EIF4A2: variants seen among roughly 807,000 people sequenced by gnomAD.
EIF4A2 encodes eukaryotic translation initiation factor 4A2, also known as eukaryotic initiation factor 4A-II.
A neutral mutation model predicts 50.6 loss-of-function variants in EIF4A2; 9 were observed. The observed-to-expected ratio is 0.18, with a 90% CI of 0.11 to 0.31. The LOEUF is 0.31. Ranked by LOEUF, EIF4A2 falls within the 10% of genes least tolerant of loss-of-function variation. The pLI, the probability that EIF4A2 is intolerant of heterozygous loss-of-function variation, is 1.00. For synonymous variants in EIF4A2, 215 were observed against 164.4 expected, an observed-to-expected ratio of 1.31 and a Z score of -2.35; for missense variants, 182 against 501.8, an observed-to-expected ratio of 0.36 and a Z score of 6.09.
chr3:186,787,711 C>T, intron 9 of EIF4A2, 92 bp from the exon 10 acceptor site: 2 of 1,587,748 alleles, frequency 1.3e-6, no homozygotes, highest in Non-Finnish European at 1.7e-6. Context: ...GTGGGCTATA[C>T]CACTTAGTAT....
At chr3:186,787,299 A>G (rs373252426) in intron 8 of EIF4A2, 35 bp downstream of exon 8, 5 of 1,614,066 alleles carry the variant, frequency 3.1e-6, no homozygotes, top group South Asian at 1.1e-5. Context: ...GATTTCCACT[A>G]AAGCAGGATT....
Position 186,789,291 on chromosome 3 carries a change from A to T in EIF4A2, c.*22A>T. On this transcript the variant is annotated 3_prime_UTR_variant, in exon 11 of 11. Coordinates refer to ENST00000323963, the MANE Select transcript of EIF4A2 (RefSeq NM_001967.4). ...TTAATTCCTGGGATGAGAGTTTTGG[A>T]TGCAGTGCTCGCTGTTGCTGAATAG... is the stretch of plus-strand genomic sequence containing the variant. 1 of 1,598,404 alleles carries T rather than the reference A, an allele frequency of 6.3e-7. No homozygotes were observed. Among genetic ancestry groups the T allele is most frequent in the Non-Finnish European group, 8.5e-7 (1 of 1,172,490 alleles).
rs1316151272 is a variant in EIF4A2 at position 186,785,026 on chromosome 3, C to T, written c.273C>T (p.Ile91=). Residue 91 remains isoleucine, a synonymous_variant, in exon 4 of 11, where the codon ATC becomes ATT. Coordinates refer to ENST00000323963, the MANE Select transcript of EIF4A2 (RefSeq NM_001967.4). ...TGKTATFAIS[I]LQQLEIEFKE... is the part of the protein sequence containing the mutation. ...AGACAGCCACATTTGCTATTTCCAT[C>T]CTGCAACAGTTGGAGATTGAGTTCA... 17 of 1,614,158 alleles carry T rather than the reference C, an allele frequency of 1.1e-5. No individual in the cohort carries two copies. Among genetic ancestry groups the T allele is most frequent in the Non-Finnish European group, 1.3e-5 (15 of 1,180,032 alleles).
At chr3:186,785,222 C>G in intron 4 of EIF4A2, 121 bp downstream of exon 4, 1 of 1,427,276 alleles carries the variant, frequency 7.0e-7, no homozygotes, top group South Asian at 1.4e-5. Context: ...TTTAATTGTC[C>G]ATGCATGCAG....
rs1722010728 is a variant in EIF4A2, at chr3:186,789,830, T to C, written c.*561T>C. 2 of 651,436 alleles carry C rather than the reference T, an allele frequency of 3.1e-6. No individual in the cohort carries two copies. The highest frequency in any genetic ancestry group is 5.3e-6 in the Non-Finnish European group (2 of 380,138). 40.4% of individuals were successfully genotyped at this position (651,436 alleles called of 1,614,324 possible). A position where few individuals can be genotyped will look rare whatever the true frequency, so the allele number is the denominator to read the frequency against. On this transcript the variant is annotated 3_prime_UTR_variant, in exon 11 of 11. Transcript: ENST00000323963. The stretch of plus-strand genomic sequence containing the variant: ...ATCCTAGGTAGGGTTTAATCCCCAG[T>C]AAAATTGCCATATTGCACATGTCTT...
intron 5 of EIF4A2, 47 bp from the exon 6 acceptor site, chr3:186,786,115 GTA>G (rs746654109): frequency 6.9e-5 from 111 of 1,602,022 alleles, no homozygotes; most frequent in Non-Finnish European, 8.5e-6. Flanking sequence ...AAGTCAAATT[GTA>G]TCACTGAGTA....
chr3:186,788,041 A>G, intron 10 of EIF4A2, 159 bp downstream of exon 10: 1 of 850,024 alleles, frequency 1.2e-6, no homozygotes. Flanking sequence ...GGTTGATGAG[A>G]ACAAAGTGGG....
chr3:186,783,858 C>A, intron 1 of EIF4A2: 1 of 666,942 alleles, frequency 1.5e-6, no homozygotes, highest in Non-Finnish European at 2.5e-6. Flanking sequence ...CGTTTTTCCT[C>A]TCTAAGACAT....
At chr3:186,787,025 TG>T in intron 7 of EIF4A2, 101 bp from the exon 8 acceptor site, 1 of 1,473,166 alleles carries the variant, frequency 6.8e-7, no homozygotes, top group Non-Finnish European at 9.2e-7. Flanking sequence ...CCCAAAGGGC[TG>T]GGATTACAGG....
chr3:186,788,455 TTGA>T (rs1721903473), intron 10 of EIF4A2: 12 of 1,230,662 alleles, frequency 9.8e-6, no homozygotes, highest in Non-Finnish European at 1.2e-5. Context: ...TCATGATTAT[TTGA>T]TTTTTAAGTT....
rs1268107402 is a variant in EIF4A2 at position 186,789,491 on chromosome 3, A to G, written c.*222A>G. 4.4e-6 allele frequency: 2 copies of G among 457,720 alleles called. No individual in the cohort carries two copies. The highest frequency in any genetic ancestry group is 2.0e-5 in the African/African-American group (1 of 49,246). The allele number at this position is 457,720 out of a possible 1,614,324, so 28.4% of individuals were successfully genotyped here. A position where few individuals can be genotyped will look rare whatever the true frequency, so the allele number is the denominator to read the frequency against. On this transcript the variant is annotated 3_prime_UTR_variant, in exon 11 of 11. Transcript: ENST00000323963. ...AGTTAGACTGTTGGGGTGGGTATAA[A>G]AGATGGGGTCTGTAAAATCTTTCTT...
Position 186,786,149 on chromosome 3 carries a change from C to CT in EIF4A2, c.518-12dup, listed in dbSNP as rs1560084814. The CT allele has an allele frequency of 6.2e-7, 1 of 1,611,466 alleles. No individual in the cohort carries two copies. Among genetic ancestry groups the CT allele is most frequent in the South Asian group, 1.1e-5 (1 of 90,932 alleles). On this transcript the variant is annotated splice_polypyrimidine_tract_variant and intron_variant, in intron 5 of 10. Coordinates refer to ENST00000323963, the MANE Select transcript of EIF4A2 (RefSeq NM_001967.4). ...AGTAGATCTAGAAATGACAGTATGA[C>CT]TTTGTTTCTAACAGCTCCAAAATGG...
At position 186,783,624 on chromosome 3, in the gene EIF4A2, C is replaced by T. The variant is rs779490566; in HGVS notation, c.14C>T (p.Ser5Phe). The change falls in exon 1 of 11, where the codon TCC (serine) becomes TTC (phenylalanine). Residue 5 changes from serine to phenylalanine, a missense_variant. Around this residue, in one of 7 missense-constraint regions of EIF4A2, gnomAD observed 43 missense variants for 22.2 expected, o/e 1.93. Coordinates refer to ENST00000323963, the MANE Select transcript of EIF4A2 (RefSeq NM_001967.4). ...GTTTTTCGGATCATGTCTGGTGGCTCCGCGGATTATAACAGGTATGCAGTC... is the reference window on the plus strand; with the variant it reads ...GTTTTTCGGATCATGTCTGGTGGCTTCGCGGATTATAACAGGTATGCAGTC... MSGG[S>F]ADYNREHGGP... 1 of 1,614,108 alleles carries T rather than the reference C, an allele frequency of 6.2e-7. No homozygotes were observed. Among genetic ancestry groups the T allele is most frequent in the Non-Finnish European group, 8.5e-7 (1 of 1,180,032 alleles).
At chr3:186,784,920 A>G (rs141851340) in intron 3 of EIF4A2, 42 bp from the exon 4 acceptor site, 205 of 1,613,964 alleles carry the variant, frequency 1.3e-4, no homozygotes, top group Middle Eastern at 1.2e-3. Flanking sequence ...AGAAGTGACA[A>G]TTTGATGTGG....
intron 1 of EIF4A2, 191 bp downstream of exon 1, chr3:186,783,830 A>T (rs940052993): frequency 1.2e-6 from 1 of 869,110 alleles, no homozygotes; most frequent in Non-Finnish European, 1.8e-6. Flanking sequence ...CGGTGGTGCG[A>T]AAGCAGTGGC....
chr3:186,786,131 C>A (rs772215090), intron 5 of EIF4A2, 33 bp from the exon 6 acceptor site: 2 of 1,607,882 alleles, frequency 1.2e-6, no homozygotes, highest in Non-Finnish European at 1.7e-6. Flanking sequence ...CTGAGTAGAT[C>A]TAGAAATGAC....
At chr3:186,784,773 C>T (rs764969586) in intron 3 of EIF4A2, 77 bp downstream of exon 3, 2 of 1,607,126 alleles carry the variant, frequency 1.2e-6, no homozygotes, top group Non-Finnish European at 1.7e-6. Flanking sequence ...CTCTGGGGGA[C>T]TAGCACCTGT....
In EIF4A2 at chr3:186,783,605, CG is replaced by C; in HGVS notation, c.-4del. 1.2e-6 allele frequency: 2 copies of C among 1,614,086 alleles called. No individual in the cohort carries two copies. The highest frequency in any genetic ancestry group is 1.7e-6 in the Non-Finnish European group (2 of 1,180,014). On this transcript the variant is annotated 5_prime_UTR_variant, in exon 1 of 11. Transcript: ENST00000323963. ...TTCAGTCGGGCGCTGAGTGGTTTTT[CG>C]GATCATGTCTGGTGGCTCCGCGGAT...
rs1171371205 is a variant in EIF4A2, at chr3:186,784,592, TTGA to T, written c.109_111del (p.Asp37del). ...AACTGGAATGAGATTGTTGATAACTTTGATGATATGAATTTAAAGGAGTCTCTC... is the reference window on the plus strand; with the variant it reads ...AACTGGAATGAGATTGTTGATAACTTTGATATGAATTTAAAGGAGTCTCTC... On this transcript the variant is annotated inframe_deletion, in exon 3 of 11. Transcript: ENST00000323963. The T allele has an allele frequency of 1.2e-6, 2 of 1,614,244 alleles. No individual in the cohort carries two copies. The highest frequency in any genetic ancestry group is 8.5e-7 in the Non-Finnish European group (1 of 1,180,028).
Sources: allele counts gnomAD v4.1 joint callset, GRCh38; gene constraint gnomAD v4.1.1; regional missense constraint gnomAD v4.1.1; transcripts MANE v1.5; gene names NCBI Gene and HGNC (gene_info 2026-07-23, HGNC 2026-07-21).